The following ZBTB7C variants were observed in gnomAD, a reference collection of about 807,000 sequenced individuals.
The protein encoded by ZBTB7C is zinc finger and BTB domain containing 7C.
ZBTB7C carries 8 observed loss-of-function variants against 25.7 expected under a neutral mutation model. The ratio of observed to expected loss-of-function variants is 0.31; its 90% confidence interval spans 0.18 to 0.56. ZBTB7C has a LOEUF of 0.56. Ranked by LOEUF, ZBTB7C falls within the 20% of genes least tolerant of loss-of-function variation. The pLI is 0.91. For synonymous variants in ZBTB7C, 394 were observed against 369.0 expected, an observed-to-expected ratio of 1.07 and a Z score of -0.78; for missense variants, 824 against 855.2, an observed-to-expected ratio of 0.96 and a Z score of 0.46.
rs551576188 is a variant in ZBTB7C, at chr18:48,228,732, GTCTC to G, written c.-78-42741_-78-42738del. 2.1e-3 allele frequency among the ~76,000 whole-genome samples: 297 copies of G among 143,252 alleles called. 2 individuals are homozygous for G. Among genetic ancestry groups the G allele is most frequent in the African/African-American group, 3.8e-3 (143 of 37,168 alleles). The allele number at this position is 143,252 out of a possible 152,430, so 94.0% of individuals were successfully genotyped here. A position where few individuals can be genotyped will look rare whatever the true frequency, so the allele number is the denominator to read the frequency against. The stretch of plus-strand genomic sequence containing the variant: ...GCTCAGAGGGAGTCTCTCTCTCTCT[GTCTC>G]TCTCTCTCTCTCACACACACACACA... On this transcript the variant is annotated intron_variant, in intron 2 of 4. Transcript: ENST00000590800.
At chr18:48,159,189 A>G (rs114218341) in intron 3 of ZBTB7C, among the ~76,000 whole-genome samples, 7 of 152,112 alleles carry the variant, frequency 4.6e-5, no homozygotes, top group African/African-American at 1.7e-4. Flanking sequence ...TTCCTTTTCT[A>G]TTCCCCTTGT....
chr18:48,035,559 T>G (rs2035935944), intron 4 of ZBTB7C, among the ~76,000 whole-genome samples: 2 of 152,182 alleles, frequency 1.3e-5, no homozygotes, highest in South Asian at 4.1e-4. Context: ...GCACAGGCTT[T>G]CACAGGGCCC....
chr18:48,257,654 A>G (rs9652970), intron 2 of ZBTB7C, among the ~76,000 whole-genome samples: 99 of 152,310 alleles, frequency 6.5e-4, no homozygotes, highest in African/African-American at 2.3e-3. Context: ...GAAATTGTAA[A>G]TGAAATTTCA....
intron 3 of ZBTB7C, chr18:48,137,269 T>C: frequency 1.0e-6 from 1 of 985,460 alleles, no homozygotes; most frequent in Non-Finnish European, 1.2e-6. Flanking sequence ...CAGGACGATC[T>C]CACCACTCGC....
At chr18:48,279,693 C>G (rs533914514) in intron 2 of ZBTB7C, among the ~76,000 whole-genome samples, 2 of 152,204 alleles carry the variant, frequency 1.3e-5, no homozygotes, top group African/African-American at 2.4e-5. Flanking sequence ...GCAGCTCCCC[C>G]ACTGAAGCCT....
At chr18:48,253,255 C>G (rs1047149278) in intron 2 of ZBTB7C, among the ~76,000 whole-genome samples, 1 of 151,980 alleles carries the variant, frequency 6.6e-6, no homozygotes, top group African/African-American at 2.4e-5. Context: ...TGCCAGGGAT[C>G]TAGTCAAGGT....
intron 2 of ZBTB7C, among the ~76,000 whole-genome samples, chr18:48,321,401 A>C (rs2046089171): frequency 6.6e-6 from 1 of 152,000 alleles, no homozygotes. Context: ...GCATGTACCC[A>C]CCTACCTCAC....
chr18:48,123,412 C>T (rs1441927723), intron 3 of ZBTB7C, among the ~76,000 whole-genome samples: 2 of 152,256 alleles, frequency 1.3e-5, no homozygotes, highest in Non-Finnish European at 2.9e-5. Context: ...AAAGTCACGC[C>T]TTCCAAGAAC....
chr18:48,189,134 C>G (rs892382176), intron 2 of ZBTB7C, among the ~76,000 whole-genome samples: 3 of 152,218 alleles, frequency 2.0e-5, no homozygotes, highest in Non-Finnish European at 2.9e-5. Context: ...GAATTCTAAC[C>G]ATAGCTCCCC....
chr18:48,354,032 T>A (rs1284968691), intron 1 of ZBTB7C, among the ~76,000 whole-genome samples: 3 of 152,214 alleles, frequency 2.0e-5, no homozygotes, highest in Admixed American at 1.3e-4. Context: ...ACTCAATTGG[T>A]AGCAGAAATC....
intron 3 of ZBTB7C, among the ~76,000 whole-genome samples, chr18:48,151,267 T>C (rs2040668992): frequency 6.6e-6 from 1 of 152,210 alleles, no homozygotes; most frequent in Non-Finnish European, 1.5e-5. Context: ...CATGACATAC[T>C]TAACCGCTCC....
chr18:48,330,649 T>C (rs1301065081), intron 2 of ZBTB7C, among the ~76,000 whole-genome samples: 1 of 144,492 alleles, frequency 6.9e-6, no homozygotes, highest in Non-Finnish European at 1.6e-5. Context: ...GTGGTTTCTG[T>C]ATTTAAAAAA....
chr18:48,284,470 G>A (rs1040620421), intron 2 of ZBTB7C, among the ~76,000 whole-genome samples: 1 of 151,516 alleles, frequency 6.6e-6, no homozygotes, highest in Non-Finnish European at 1.5e-5. Flanking sequence ...GGAGGGAGGG[G>A]CACATAAATA....
intron 1 of ZBTB7C, among the ~76,000 whole-genome samples, chr18:48,380,576 G>A (rs1292520480): frequency 6.6e-6 from 1 of 152,078 alleles, no homozygotes; most frequent in East Asian, 1.9e-4. Context: ...ATCTGAGGGG[G>A]CCTAGAAGCA....
At chr18:48,095,573 G>A (rs191906034) in intron 3 of ZBTB7C, among the ~76,000 whole-genome samples, 1 of 152,026 alleles carries the variant, frequency 6.6e-6, no homozygotes, top group Non-Finnish European at 1.5e-5. Context: ...TTAGCCAGGG[G>A]TGGTGGCACA....
upstream of ZBTB7C, among the ~76,000 whole-genome samples, chr18:48,411,587 G>A (rs776450744): frequency 1.3e-5 from 2 of 152,222 alleles, no homozygotes; most frequent in Admixed American, 6.5e-5. Flanking sequence ...TGCGCCTCAT[G>A]CCAAGCATGC....
intron 3 of ZBTB7C, among the ~76,000 whole-genome samples, chr18:48,155,571 A>G (rs9789188): frequency 0.63 from 94,841 of 151,280 alleles, 30,716 homozygotes; most frequent in South Asian, 0.78. Context: ...TCCTGACCTC[A>G]TGATCTGCCC....
Position 48,029,350 on chromosome 18 carries a change from C to CG in ZBTB7C, c.1769dup (p.Leu591AlafsTer62). 1 of 1,544,722 alleles carries CG rather than the reference C, an allele frequency of 6.5e-7. No individual in the cohort carries two copies. Among genetic ancestry groups the CG allele is most frequent in the Non-Finnish European group, 8.7e-7 (1 of 1,150,086 alleles). On this transcript the variant is annotated frameshift_variant, in exon 5 of 5. Coordinates refer to ENST00000590800, the MANE Select transcript of ZBTB7C (RefSeq NM_001318841.2). LOFTEE classifies it high-confidence loss of function. ...GGCCGGCGGCCCAAGGGTCGGGCAG[C>CG]GGGAAGTAGGGCCGCGCCGCCGCCA... is the stretch of plus-strand genomic sequence containing the variant.
intron 1 of ZBTB7C, among the ~76,000 whole-genome samples, chr18:48,392,151 G>T (rs1418748472): frequency 2.0e-5 from 3 of 152,198 alleles, no homozygotes; most frequent in Admixed American, 6.5e-5. Flanking sequence ...TGAATTCTCT[G>T]TGCTGGTCCC....
Sources: gnomAD v4.1 joint callset for allele counts (sites outside exome capture counted in the v4.1 genomes callset) on GRCh38, gnomAD v4.1.1 for gene constraint, MANE v1.5 for transcripts, NCBI Gene and HGNC (gene_info 2026-07-23, HGNC 2026-07-21) for gene names.